Variants in CHTF8 observed in about 807,000 individuals in gnomAD.
CHTF8 encodes the protein chromosome transmission fidelity protein 8 homolog.
CHTF8 carries 6 observed loss-of-function variants against 11.0 expected under a neutral mutation model. The ratio of observed to expected loss-of-function variants is 0.55; its 90% CI spans 0.30 to 1.08. CHTF8 has a LOEUF of 1.08. Among genes scored for constraint, CHTF8 ranks in the 50% least tolerant of loss-of-function variants. The probability of loss-of-function intolerance (pLI) is 0.07; values close to 1 mark genes in which losing one functional copy is unlikely to be tolerated. For missense variants in CHTF8, 140 were observed against 153.1 expected (o/e 0.91, Z 0.45); for synonymous variants, 53 against 60.5 (o/e 0.88, Z 0.57).
chr16:69,131,746 C>G (rs1365803016), intron 1 of CHTF8, among the ~76,000 whole-genome samples: 1 of 151,726 alleles, frequency 6.6e-6, no homozygotes, highest in African/African-American at 2.4e-5. Flanking sequence ...CCAAAGATTA[C>G]TCTTTAAACG....
intron 1 of CHTF8, among the ~76,000 whole-genome samples, chr16:69,124,160 A>C (rs1333285648): frequency 6.6e-6 from 1 of 151,998 alleles, no homozygotes; most frequent in Non-Finnish European, 1.5e-5. Flanking sequence ...CAGCAGCACC[A>C]CCTGGTGGCA....
chr16:69,121,276 G>C, intron 2 of CHTF8, 106 bp from the exon 3 acceptor site: 1 of 1,299,972 alleles, frequency 7.7e-7, no homozygotes, highest in Non-Finnish European at 1.1e-6. Flanking sequence ...TGGATGTCAA[G>C]TTCTTGGGAA....
In CHTF8 at chr16:69,118,355, C is replaced by T. The variant is rs772648721; in HGVS notation, c.*2070G>A. On this transcript the variant is annotated 3_prime_UTR_variant, in exon 4 of 4. Coordinates refer to ENST00000448552, the MANE Select transcript of CHTF8 (RefSeq NM_001039690.5). ...TCCATCTCCCTGTTCTGTGTTCAAG[C>T]CCCCAGGGAAAGGTATGGCAGTAGA... is the stretch of plus-strand genomic sequence containing the variant. The T allele has an allele frequency of 1.3e-6, 2 of 1,586,052 alleles. No homozygotes were observed. The highest frequency in any genetic ancestry group is 1.7e-6 in the Non-Finnish European group (2 of 1,154,572).
intron 1 of CHTF8, among the ~76,000 whole-genome samples, chr16:69,121,890 C>T (rs561952458): frequency 6.6e-6 from 1 of 152,170 alleles, no homozygotes; most frequent in East Asian, 1.9e-4. Flanking sequence ...AGGATGGTCT[C>T]GATCTCCTGA....
intron 1 of CHTF8, among the ~76,000 whole-genome samples, chr16:69,127,091 A>C (rs1236488500): frequency 6.6e-6 from 1 of 152,106 alleles, no homozygotes; most frequent in African/African-American, 2.4e-5. Context: ...TACAAAAATT[A>C]GCCGCGCGTG....
At chr16:69,128,900 C>T (rs1962285325) in intron 1 of CHTF8, among the ~76,000 whole-genome samples, 2 of 151,532 alleles carry the variant, frequency 1.3e-5, no homozygotes, top group South Asian at 2.1e-4. Context: ...CCAGTTTCTA[C>T]GAAAAATACA....
At chr16:69,122,901 A>G (rs189690446) in intron 1 of CHTF8, among the ~76,000 whole-genome samples, 1 of 151,120 alleles carries the variant, frequency 6.6e-6, no homozygotes, top group Non-Finnish European at 1.5e-5. Context: ...CTGGTCTCAA[A>G]CTCCTGACCT....
At chr16:69,129,429 CAAAAA>C (rs11420871) in intron 1 of CHTF8, among the ~76,000 whole-genome samples, 2,396 of 75,574 alleles carry the variant, frequency 0.032, 11 homozygotes, top group Non-Finnish European at 0.044. Context: ...GACTCCGTCA[CAAAAA>C]AAAAAAAAAA....
chr16:69,118,287 C>T lies in CHTF8; in HGVS notation c.*2138G>A. On this transcript the variant is annotated 3_prime_UTR_variant, in exon 4 of 4. Transcript: ENST00000448552. The stretch of plus-strand genomic sequence containing the variant: ...GAAGGGAGCTGCAGGCCCAGTCAGT[C>T]AAGCAGAAACTGCATTCGGTGGGTC... 5 of 1,015,398 alleles carry T rather than the reference C, an allele frequency of 4.9e-6. 1 individual carries two copies. The Admixed American group carries it at 7.0e-5, about 14-fold the overall frequency. The allele number at this position is 1,015,398 out of a possible 1,614,324, so 62.9% of individuals were successfully genotyped here.
intron 1 of CHTF8, among the ~76,000 whole-genome samples, chr16:69,122,709 T>C (rs1961770306): frequency 6.6e-6 from 1 of 152,040 alleles, no homozygotes; most frequent in African/African-American, 2.4e-5. Context: ...GCCTGGCTAA[T>C]TTTTGTATTT....
rs752251798 is a variant in CHTF8, at chr16:69,120,952, A to G, written c.141+101T>C. 28 of 1,000,674 alleles carry G rather than the reference A, an allele frequency of 2.8e-5. No homozygotes were observed. The highest frequency in any genetic ancestry group is 4.2e-5 in the Non-Finnish European group (26 of 619,678). The allele number at this position is 1,000,674 out of a possible 1,614,324, so 62.0% of individuals were successfully genotyped here. ...GCATCGCAGATTAGCTAGGCCTTGAATAACAAACCTGAGGCAGTCCTCACT... is the reference window on the plus strand; with the variant it reads ...GCATCGCAGATTAGCTAGGCCTTGAGTAACAAACCTGAGGCAGTCCTCACT... On this transcript the variant is annotated intron_variant, in intron 3 of 3. Coordinates refer to ENST00000448552, the MANE Select transcript of CHTF8 (RefSeq NM_001039690.5). This position sits in a 1 kb window ranked among gnomAD's most constrained non-coding sequence, Gnocchi z 4.0.
In CHTF8 at chr16:69,132,528, G is replaced by T; in HGVS notation, c.-80C>A. On this transcript the variant is annotated 5_prime_UTR_variant, in exon 1 of 4. Coordinates refer to ENST00000448552, the MANE Select transcript of CHTF8 (RefSeq NM_001039690.5). ...GCGCGGCGCCGCGCGGCCAACGGGC[G>T]ACAACCGAACCTCCCGCCGCCGTCG... 1 of 335,782 alleles carries T rather than the reference G, an allele frequency of 3.0e-6. No homozygotes were observed. The highest frequency in any genetic ancestry group is 2.1e-5 in the South Asian group (1 of 48,528). The allele number at this position is 335,782 out of a possible 1,614,324, so 20.8% of individuals were successfully genotyped here.
intron 2 of CHTF8, 57 bp downstream of exon 2, chr16:69,121,379 C>A: frequency 6.8e-7 from 1 of 1,468,230 alleles, no homozygotes. Flanking sequence ...ACACATGGCA[C>A]ACCTCTATAG....
At chr16:69,125,447 T>A (rs1961990528) in intron 1 of CHTF8, among the ~76,000 whole-genome samples, 2 of 151,898 alleles carry the variant, frequency 1.3e-5, no homozygotes, top group South Asian at 4.2e-4. Flanking sequence ...CTGGGCCATC[T>A]GACTATCTAC....
At chr16:69,121,283 G>C (rs776877950) in intron 2 of CHTF8, 113 bp from the exon 3 acceptor site, 79 of 1,276,796 alleles carry the variant, frequency 6.2e-5, no homozygotes, top group Non-Finnish European at 8.4e-5. Context: ...CAAGTTCTTG[G>C]GAAATTGGGC....
chr16:69,118,289 A>G lies in CHTF8; in HGVS notation c.*2136T>C. The G allele has an allele frequency of 9.7e-7, 1 of 1,032,134 alleles. No individual in the cohort carries two copies. The highest frequency in any genetic ancestry group is 1.5e-6 in the Non-Finnish European group (1 of 653,090). The allele number at this position is 1,032,134 out of a possible 1,614,324, so 63.9% of individuals were successfully genotyped here. On this transcript the variant is annotated 3_prime_UTR_variant, in exon 4 of 4. Transcript: ENST00000448552. ...AGGGAGCTGCAGGCCCAGTCAGTCA[A>G]GCAGAAACTGCATTCGGTGGGTCTT...
At position 69,118,340 on chromosome 16, in the gene CHTF8, T is replaced by C. The variant is rs372378014; in HGVS notation, c.*2085A>G. On this transcript the variant is annotated 3_prime_UTR_variant, in exon 4 of 4. Coordinates refer to ENST00000448552, the MANE Select transcript of CHTF8 (RefSeq NM_001039690.5). ...TCTTTGAAGTGGTTGTCCATCTCCC[T>C]GTTCTGTGTTCAAGCCCCCAGGGAA... 156 of 1,505,796 alleles carry C rather than the reference T, an allele frequency of 1.0e-4. 2 individuals are homozygous for C. The highest frequency in any genetic ancestry group is 1.3e-4 in the Non-Finnish European group (144 of 1,081,190). The allele number at this position is 1,505,796 out of a possible 1,614,324, so 93.3% of individuals were successfully genotyped here. A position where few individuals can be genotyped will look rare whatever the true frequency, so the allele number is the denominator to read the frequency against.
At chr16:69,122,701 C>T (rs1961769209) in intron 1 of CHTF8, among the ~76,000 whole-genome samples, 2 of 152,108 alleles carry the variant, frequency 1.3e-5, no homozygotes, top group African/African-American at 4.8e-5. Flanking sequence ...ACCACCATGC[C>T]TGGCTAATTT....
At chr16:69,124,111 A>G (rs999823516) in intron 1 of CHTF8, among the ~76,000 whole-genome samples, 59 of 138,612 alleles carry the variant, frequency 4.3e-4, no homozygotes, top group African/African-American at 9.5e-4. Context: ...CTCAAAGGGG[A>G]AAAAAAAAAA....
Sources: gnomAD v4.1 joint callset for allele counts (sites outside exome capture counted in the v4.1 genomes callset) on GRCh38, gnomAD v4.1.1 for gene constraint, Gnocchi (gnomAD v3.1) non-coding constraint, MANE v1.5 for transcripts, NCBI Gene and HGNC (gene_info 2026-07-23, HGNC 2026-07-21) for gene names.